Variants in OR2L13 observed in about 807,000 individuals in gnomAD.
OR2L13 encodes the protein olfactory receptor 2L13.
In OR2L13, 14 loss-of-function variants were observed where a neutral mutation model predicts 15.3. That is an observed-to-expected ratio of 0.91 (90% CI 0.60 to 1.43). The LOEUF (loss-of-function observed/expected upper bound fraction) is 1.43, where lower values mean the gene tolerates loss of function less well. Ranked by LOEUF, OR2L13 falls within the 40% of genes most tolerant of loss-of-function variation. OR2L13 has a pLI of 0.00. For missense variants in OR2L13, 367 were observed against 387.9 expected, an observed-to-expected ratio of 0.95 and a Z score of 0.45; for synonymous variants, 152 against 142.9, an observed-to-expected ratio of 1.06 and a Z score of -0.45.
At chr1:248,065,534 C>T in the OR2L13 span, among the ~76,000 whole-genome samples, 3 of 151,356 alleles carry the variant, frequency 2.0e-5, no homozygotes, top group East Asian at 2.0e-4. Flanking sequence ...GCTGCACCCA[C>T]TAACTCGTCA....
chr1:248,010,398 T>C, the OR2L13 span, among the ~76,000 whole-genome samples: 1 of 152,176 alleles, frequency 6.6e-6, no homozygotes, highest in Non-Finnish European at 1.5e-5. Context: ...GAATGTATAT[T>C]CTGTTGATTT....
chr1:248,077,309 T>C, the OR2L13 span, among the ~76,000 whole-genome samples: 26 of 152,158 alleles, frequency 1.7e-4, no homozygotes, highest in Admixed American at 9.8e-4. Context: ...TTCTCTTTTT[T>C]TGTTGTGTCT....
the OR2L13 span, among the ~76,000 whole-genome samples, chr1:248,072,762 C>T: frequency 6.6e-6 from 1 of 151,616 alleles, no homozygotes. Context: ...ACCTACAAGA[C>T]CTCAAACAAA....
the OR2L13 span, among the ~76,000 whole-genome samples, chr1:248,048,696 G>A: frequency 1.3e-5 from 2 of 152,102 alleles, no homozygotes; most frequent in African/African-American, 4.8e-5. Flanking sequence ...CCAGCCCTAT[G>A]TGCAAGTAAC....
At chr1:247,974,640 C>A in the OR2L13 span, 1 of 185,630 alleles carries the variant, frequency 5.4e-6, no homozygotes, top group East Asian at 1.5e-4. Context: ...TCCTCAGTTT[C>A]AGGCATTCCC....
the OR2L13 span, among the ~76,000 whole-genome samples, chr1:248,013,988 G>T: frequency 6.6e-6 from 1 of 152,032 alleles, no homozygotes; most frequent in African/African-American, 2.4e-5. Context: ...AAGAGATAGG[G>T]CTAAATTATA....
chr1:248,060,450 T>C, the OR2L13 span, among the ~76,000 whole-genome samples: 1 of 152,192 alleles, frequency 6.6e-6, no homozygotes, highest in Non-Finnish European at 1.5e-5. Context: ...TGTATATTCA[T>C]TCTATTTTAT....
the OR2L13 span, chr1:248,061,992 T>C: frequency 2.9e-5 from 5 of 170,092 alleles, no homozygotes; most frequent in South Asian, 7.5e-4. Context: ...TACTTTTTTG[T>C]TTATGTCTAA....
chr1:247,984,219 G>T, the OR2L13 span, among the ~76,000 whole-genome samples: 3 of 140,912 alleles, frequency 2.1e-5, no homozygotes, highest in African/African-American at 5.9e-5. Flanking sequence ...GGGAGGAGGA[G>T]AAAATAAGTC....
At chr1:248,017,834 C>G in the OR2L13 span, among the ~76,000 whole-genome samples, 7 of 152,124 alleles carry the variant, frequency 4.6e-5, no homozygotes, top group African/African-American at 1.7e-4. Flanking sequence ...CAATGTCATA[C>G]AAACTTGCCT....
the OR2L13 span, among the ~76,000 whole-genome samples, chr1:248,024,742 C>T: frequency 9.9e-5 from 15 of 152,080 alleles, no homozygotes; most frequent in Admixed American, 9.8e-4. Flanking sequence ...TTTCTGAGGG[C>T]TCTGCTCTGT....
the OR2L13 span, among the ~76,000 whole-genome samples, chr1:247,937,897 A>G: frequency 6.6e-6 from 1 of 152,246 alleles, no homozygotes; most frequent in Non-Finnish European, 1.5e-5. Context: ...ATGAAAAATG[A>G]TTAGCCTTTC....
At chr1:247,987,082 C>A in the OR2L13 span, among the ~76,000 whole-genome samples, 1 of 150,936 alleles carries the variant, frequency 6.6e-6, no homozygotes, top group Non-Finnish European at 1.5e-5. Context: ...AAATCACAAT[C>A]TCTTTCAGAT....
chr1:248,067,827 C>T, the OR2L13 span, among the ~76,000 whole-genome samples: 17 of 152,324 alleles, frequency 1.1e-4, no homozygotes, highest in African/African-American at 2.6e-4. Flanking sequence ...TAAAAAACGG[C>T]GCGCCAGGAG....
At chr1:247,986,534 G>A in the OR2L13 span, among the ~76,000 whole-genome samples, 1 of 152,180 alleles carries the variant, frequency 6.6e-6, no homozygotes, top group Admixed American at 6.5e-5. Flanking sequence ...ATAGTTTGAA[G>A]TCAGGTAGTG....
chr1:248,048,644 C>T, the OR2L13 span, among the ~76,000 whole-genome samples: 1 of 152,266 alleles, frequency 6.6e-6, no homozygotes, highest in African/African-American at 2.4e-5. Context: ...GAGTTCTCAG[C>T]TTTTGCAGTG....
chr1:248,037,213 A>G, the OR2L13 span, among the ~76,000 whole-genome samples: 1 of 152,208 alleles, frequency 6.6e-6, no homozygotes, highest in Non-Finnish European at 1.5e-5. Flanking sequence ...CCAAATAATG[A>G]TGTCTAACTT....
the OR2L13 span, among the ~76,000 whole-genome samples, chr1:247,946,922 G>T: frequency 6.6e-6 from 1 of 152,010 alleles, no homozygotes; most frequent in African/African-American, 2.4e-5. Flanking sequence ...ATTTTTTTAA[G>T]AATACTAACT....
At chr1:247,958,941 C>G in the OR2L13 span, among the ~76,000 whole-genome samples, 1 of 152,282 alleles carries the variant, frequency 6.6e-6, no homozygotes, top group South Asian at 2.1e-4. Context: ...AGCCCATTTA[C>G]TTTTAAGGTT....
Sources: allele counts gnomAD v4.1 joint callset (sites outside exome capture counted in the v4.1 genomes callset), GRCh38; gene constraint gnomAD v4.1.1; transcripts MANE v1.5; gene names NCBI Gene and HGNC (gene_info 2026-07-23, HGNC 2026-07-21).